The following RANBP10 variants were observed in gnomAD, a reference collection of about 807,000 sequenced individuals.
RANBP10 encodes the protein ran-binding protein 10.
In RANBP10, 24 loss-of-function variants were observed where a neutral mutation model predicts 72.8. That is an observed-to-expected ratio of 0.33 (90% CI 0.24 to 0.46). RANBP10 has a LOEUF of 0.46. Among genes scored for constraint, RANBP10 ranks in the 20% least tolerant of loss-of-function variants. RANBP10 has a pLI of 1.00. For synonymous variants in RANBP10, 310 were observed against 322.3 expected (o/e 0.96, Z 0.41); for missense variants, 679 against 817.5 (o/e 0.83, Z 2.07).
intron 3 of RANBP10, among the ~76,000 whole-genome samples, chr16:67,758,108 C>G (rs1408506645): frequency 6.6e-6 from 1 of 152,214 alleles, no homozygotes; most frequent in Non-Finnish European, 1.5e-5. Context: ...ATCACACCCT[C>G]CCCACTCAGA....
chr16:67,743,222 G>A (rs765297833), intron 4 of RANBP10, among the ~76,000 whole-genome samples: 3 of 152,216 alleles, frequency 2.0e-5, no homozygotes, highest in Non-Finnish European at 4.4e-5. Context: ...TCAAGGCAAG[G>A]GAAATGGGAC....
chr16:67,791,955 G>A (rs1323250751), intron 2 of RANBP10, among the ~76,000 whole-genome samples: 3 of 151,802 alleles, frequency 2.0e-5, no homozygotes, highest in Non-Finnish European at 4.4e-5. Flanking sequence ...CAAGGCAGGA[G>A]GATTGCTAGT....
At chr16:67,786,938 C>G (rs981344273) in intron 2 of RANBP10, among the ~76,000 whole-genome samples, 1 of 151,030 alleles carries the variant, frequency 6.6e-6, no homozygotes, top group Non-Finnish European at 1.5e-5. Context: ...AAAACAACAA[C>G]GAAAAAATAG....
Position 67,726,196 on chromosome 16 carries a change from G to A in RANBP10, c.*232C>T. On this transcript the variant is annotated 3_prime_UTR_variant, in exon 14 of 14. Coordinates refer to ENST00000317506, the MANE Select transcript of RANBP10 (RefSeq NM_020850.3). The stretch of plus-strand genomic sequence containing the variant: ...AGAAGGCGCTACATGAGAGTAACCA[G>A]CCAATACTGTGTTACAGGCCGCTGC... 5 of 522,232 alleles carry A rather than the reference G, an allele frequency of 9.6e-6. No homozygotes were observed. Among genetic ancestry groups the A allele is most frequent in the Non-Finnish European group, 1.7e-5 (5 of 296,122 alleles). The allele number at this position is 522,232 out of a possible 1,614,324, so 32.3% of individuals were successfully genotyped here.
Position 67,765,199 on chromosome 16 carries a change from CAAAAAAAAAAAA to C in RANBP10, c.400+6823_400+6834del, listed in dbSNP as rs569942198. ...TGGGTGACAGAGCAAGACTCCATCT[CAAAAAAAAAAAA>C]AAAAAAAAAAAAAAAAACATTAAAA... On this transcript the variant is annotated intron_variant, in intron 3 of 13. Transcript: ENST00000317506. Among the ~76,000 whole-genome samples, 39 of 11,652 alleles carry C rather than the reference CAAAAAAAAAAAA, an allele frequency of 3.3e-3. No homozygotes were observed. The East Asian group carries it at 0.054, about 16-fold the overall frequency. The allele number at this position is 11,652 out of a possible 152,430, so 7.6% of individuals were successfully genotyped here.
chr16:67,724,470 C>G lies in RANBP10; in HGVS notation c.*1958G>C, dbSNP rs2053569534. On this transcript the variant is annotated 3_prime_UTR_variant, in exon 14 of 14. Coordinates refer to ENST00000317506, the MANE Select transcript of RANBP10 (RefSeq NM_020850.3). ...TCCTGCTAGGCTATGATCATTTAAA[C>G]AGCCTGATGTCTCCAACTTCTGGGT... 6.6e-6 allele frequency: 1 copy of G among 152,236 alleles called. No individual in the cohort carries two copies. The highest frequency in any genetic ancestry group is 2.4e-5 in the African/African-American group (1 of 41,462). 9.4% of individuals were successfully genotyped at this position (152,236 alleles called of 1,614,324 possible). A position where few individuals can be genotyped will look rare whatever the true frequency, so the allele number is the denominator to read the frequency against.
At chr16:67,770,528 T>G (rs766661315) in intron 3 of RANBP10, among the ~76,000 whole-genome samples, 30 of 152,088 alleles carry the variant, frequency 2.0e-4, no homozygotes, top group Non-Finnish European at 3.2e-4. Context: ...CCAGCTGCCT[T>G]CTCTGTGTCA....
chr16:67,762,612 T>G (rs1199771348), intron 3 of RANBP10: 1 of 152,218 alleles, frequency 6.6e-6, no homozygotes, highest in Non-Finnish European at 1.5e-5. Context: ...GAGCAGTCAC[T>G]ACTCCTCCAG....
rs898854030 is a variant in RANBP10 at position 67,776,871 on chromosome 16, C to CA, written c.348-4786dup. On this transcript the variant is annotated intron_variant, in intron 2 of 13. Transcript: ENST00000317506. ...TTGCTACACACTTATAATGAACAAT[C>CA]AAAAAAAAATTGAGAAAACAATTCC... is the stretch of plus-strand genomic sequence containing the variant. Among the ~76,000 whole-genome samples the CA allele has an allele frequency of 3.3e-4, 49 of 150,726 alleles. No homozygotes were observed. The South Asian group carries it at 9.0e-3, about 28-fold the overall frequency.
chr16:67,754,545 C>G (rs1016537247), intron 3 of RANBP10, among the ~76,000 whole-genome samples: 1 of 152,190 alleles, frequency 6.6e-6, no homozygotes, highest in Non-Finnish European at 1.5e-5. Flanking sequence ...AACCTGCTCC[C>G]CAGGCCTTGA....
intron 3 of RANBP10, among the ~76,000 whole-genome samples, chr16:67,765,155 G>A (rs1353847785): frequency 8.7e-6 from 1 of 114,458 alleles, no homozygotes; most frequent in African/African-American, 3.5e-5. Flanking sequence ...AGCCAAGATT[G>A]CACCACTGCA....
At chr16:67,761,625 A>G (rs1372301903) in intron 3 of RANBP10, among the ~76,000 whole-genome samples, 3 of 152,138 alleles carry the variant, frequency 2.0e-5, no homozygotes, top group African/African-American at 4.8e-5. Flanking sequence ...GCTGGAGTGC[A>G]GTGGCACGAT....
At position 67,734,900 on chromosome 16, in the gene RANBP10, G is replaced by C. The variant is rs766280275; in HGVS notation, c.734C>G (p.Pro245Arg). 3.1e-6 allele frequency: 5 copies of C among 1,611,248 alleles called. No individual in the cohort carries two copies. The highest frequency in any genetic ancestry group is 2.5e-6 in the Non-Finnish European group (3 of 1,178,036). The part of the protein sequence containing the change: ...AKVQGTVHCF[P>R]ISARLGEWQA... ...CCACTCGCCAAGCCGGGCACTGATG[G>C]GGAAGCAGTGGACCGTGCCCTGGAC... Residue 245 changes from proline to arginine, a missense_variant, in exon 6 of 14, where the codon CCC becomes CGC. Transcript: ENST00000317506.
intron 2 of RANBP10, among the ~76,000 whole-genome samples, chr16:67,802,546 G>A (rs2055255675): frequency 1.3e-5 from 2 of 152,196 alleles, no homozygotes; most frequent in Admixed American, 1.3e-4. Context: ...GCTGAGGCAG[G>A]AGAATCACTT....
At chr16:67,758,260 G>A (rs2054328178) in intron 3 of RANBP10, among the ~76,000 whole-genome samples, 1 of 152,188 alleles carries the variant, frequency 6.6e-6, no homozygotes, top group Non-Finnish European at 1.5e-5. Context: ...GGACAAGCTG[G>A]CTCTGTAACC....
chr16:67,772,431 A>G (rs1446988277), intron 2 of RANBP10, among the ~76,000 whole-genome samples: 1 of 152,176 alleles, frequency 6.6e-6, no homozygotes, highest in Non-Finnish European at 1.5e-5. Context: ...AGATGTGCCT[A>G]AAGCATCTCA....
chr16:67,797,989 C>CAAAA (rs56801646), intron 2 of RANBP10, among the ~76,000 whole-genome samples: 7 of 43,818 alleles, frequency 1.6e-4, no homozygotes, highest in African/African-American at 2.5e-4. Context: ...GACCCTCTCT[C>CAAAA]AAAAAAAAAA....
intron 4 of RANBP10, among the ~76,000 whole-genome samples, chr16:67,743,570 T>C (rs1340658722): frequency 6.6e-6 from 1 of 152,184 alleles, no homozygotes; most frequent in African/African-American, 2.4e-5. Context: ...CTTCCACTGA[T>C]TGCTATTTCT....
intron 2 of RANBP10, among the ~76,000 whole-genome samples, chr16:67,785,446 A>C (rs761261874): frequency 1.2e-4 from 18 of 152,012 alleles, no homozygotes; most frequent in Non-Finnish European, 1.8e-4. Flanking sequence ...TGTGCATCAA[A>C]AGACATCATC....
Sources: gnomAD v4.1 joint callset for allele counts (sites outside exome capture counted in the v4.1 genomes callset) on GRCh38, gnomAD v4.1.1 for gene constraint, MANE v1.5 for transcripts, NCBI Gene and HGNC (gene_info 2026-07-23, HGNC 2026-07-21) for gene names.